Variants in TBC1D14 observed in about 807,000 individuals in gnomAD.
TBC1D14 encodes the protein TBC1 domain family member 14.
TBC1D14 carries 26 observed loss-of-function variants against 79.0 expected under a neutral mutation model. The observed-to-expected ratio is 0.33, with a 90% CI of 0.24 to 0.46. The LOEUF (loss-of-function observed/expected upper bound fraction) is 0.46, where lower values mean the gene tolerates loss of function less well. TBC1D14 is among the 20% of genes least tolerant of loss of function. The pLI is 1.00. For missense variants in TBC1D14, 769 were observed against 887.6 expected, an observed-to-expected ratio of 0.87 and a Z score of 1.70; for synonymous variants, 394 against 349.9, an observed-to-expected ratio of 1.13 and a Z score of -1.40.
chr4:6,944,135 A>G (rs1426639190), intron 2 of TBC1D14, among the ~76,000 whole-genome samples: 2 of 151,934 alleles, frequency 1.3e-5, no homozygotes, highest in Non-Finnish European at 2.9e-5. Context: ...GCGTCGTTCT[A>G]TTTTTGTCCT....
rs912467789 is a variant in TBC1D14, at chr4:7,033,037, G to T, written c.*2645G>T. The T allele has an allele frequency of 1.3e-5, 2 of 152,622 alleles. No homozygotes were observed. Among genetic ancestry groups the T allele is most frequent in the African/African-American group, 4.8e-5 (2 of 41,418 alleles). The allele number at this position is 152,622 out of a possible 1,614,324, so 9.5% of individuals were successfully genotyped here. Reference sequence around the variant, plus strand: ...TACAGTTAACCTTTAATTTTATTTAGTAAAGTGTATCAAAGTAGGACTTTT... The same window carrying T: ...TACAGTTAACCTTTAATTTTATTTATTAAAGTGTATCAAAGTAGGACTTTT... On this transcript the variant is annotated 3_prime_UTR_variant, in exon 14 of 14. Coordinates refer to ENST00000409757, the MANE Select transcript of TBC1D14 (RefSeq NM_020773.3).
chr4:7,005,306 C>T (rs1034223720), intron 8 of TBC1D14, among the ~76,000 whole-genome samples: 31 of 151,808 alleles, frequency 2.0e-4, no homozygotes, highest in African/African-American at 7.3e-4. Context: ...GAGGCTGAGG[C>T]GGGTGGATCA....
intron 3 of TBC1D14, among the ~76,000 whole-genome samples, chr4:6,979,098 T>A (rs1368718213): frequency 6.6e-6 from 1 of 151,846 alleles, no homozygotes; most frequent in Non-Finnish European, 1.5e-5. Context: ...GACCAACCAC[T>A]AAACTATACA....
chr4:7,007,998 G>T (rs979487087), intron 9 of TBC1D14, among the ~76,000 whole-genome samples: 9 of 152,204 alleles, frequency 5.9e-5, no homozygotes, highest in Non-Finnish European at 1.2e-4. Context: ...ATCACAGATT[G>T]CCTTCCCACT....
chr4:6,935,576 C>T (rs1210602118), intron 2 of TBC1D14, among the ~76,000 whole-genome samples: 3 of 152,038 alleles, frequency 2.0e-5, no homozygotes, highest in Admixed American at 2.0e-4. Context: ...CCCTTTCCCT[C>T]TCCCTCTCTC....
chr4:6,989,514 C>T (rs962009323), intron 3 of TBC1D14, among the ~76,000 whole-genome samples: 1 of 152,224 alleles, frequency 6.6e-6, no homozygotes. Flanking sequence ...CCATGTCCCC[C>T]TGGCCTCAGG....
chr4:7,025,142 G>A lies in TBC1D14; in HGVS notation c.1896G>A (p.Lys632=). 1 of 1,614,220 alleles carries A rather than the reference G, an allele frequency of 6.2e-7. No individual in the cohort carries two copies. Among genetic ancestry groups the A allele is most frequent in the Non-Finnish European group, 8.5e-7 (1 of 1,180,040 alleles). The stretch of plus-strand genomic sequence containing the variant: ...AGCTGTTCGAGGACATCCTGACCAA[G>A]ATGGACTTCATTCACATGGCCCAGT... ...ILKLFEDILT[K]MDFIHMAQFL... The change falls in exon 13 of 14, where the codon AAG becomes AAA. Residue 632 remains lysine (K), a synonymous_variant. Coordinates refer to ENST00000409757, the MANE Select transcript of TBC1D14 (RefSeq NM_020773.3).
intron 3 of TBC1D14, chr4:6,987,209 G>C: frequency 8.1e-7 from 1 of 1,232,292 alleles, no homozygotes; most frequent in South Asian, 3.3e-5. Flanking sequence ...GCGGCCTGCC[G>C]CCCCGCCCCG....
intron 12 of TBC1D14, among the ~76,000 whole-genome samples, chr4:7,019,661 C>T (rs1266201963): frequency 6.6e-6 from 1 of 152,234 alleles, no homozygotes; most frequent in African/African-American, 2.4e-5. Flanking sequence ...TCTGTTGGCC[C>T]CTGCCAAGTG....
intron 9 of TBC1D14, 26 bp from the exon 10 acceptor site, chr4:7,009,851 T>G: frequency 3.7e-6 from 6 of 1,613,728 alleles, no homozygotes; most frequent in Non-Finnish European, 5.1e-6. Context: ...ATGCATGTGT[T>G]GTTTTTGCTG....
chr4:7,018,982 A>ATCCT (rs1721547912), intron 12 of TBC1D14, among the ~76,000 whole-genome samples: 1 of 152,082 alleles, frequency 6.6e-6, no homozygotes, highest in Admixed American at 6.6e-5. Flanking sequence ...ATGTTTAATG[A>ATCCT]TCCTTGGAGA....
intron 2 of TBC1D14, among the ~76,000 whole-genome samples, chr4:6,939,564 G>C (rs1037476702): frequency 6.6e-6 from 1 of 152,162 alleles, no homozygotes; most frequent in Non-Finnish European, 1.5e-5. Flanking sequence ...ACCCGGTCCT[G>C]GGGATGTAGT....
At chr4:6,956,564 C>G (rs1714661570) in intron 2 of TBC1D14, among the ~76,000 whole-genome samples, 1 of 152,198 alleles carries the variant, frequency 6.6e-6, no homozygotes. Flanking sequence ...TCACTCTCGC[C>G]TGGCCCTAGG....
At chr4:6,960,515 C>T (rs926075074) in intron 2 of TBC1D14, among the ~76,000 whole-genome samples, 1 of 152,108 alleles carries the variant, frequency 6.6e-6, no homozygotes, top group Non-Finnish European at 1.5e-5. Context: ...ACATGGCATG[C>T]CTTGTATGAT....
intron 1 of TBC1D14, among the ~76,000 whole-genome samples, chr4:6,915,357 G>T (rs941283084): frequency 2.0e-5 from 3 of 152,170 alleles, no homozygotes; most frequent in Admixed American, 2.0e-4. Context: ...GGGGTAGGGG[G>T]TTGGGGGTCA....
In TBC1D14 at chr4:7,010,800, C is replaced by T. The variant is rs1485665449; in HGVS notation, c.1647+19C>T. 8.1e-6 allele frequency: 13 copies of T among 1,610,586 alleles called. No individual in the cohort carries two copies. The highest frequency in any genetic ancestry group is 1.7e-4 in the Middle Eastern group (1 of 6,040). On this transcript the variant is annotated intron_variant, in intron 11 of 13. Transcript: ENST00000409757. ...TGGCCTTGTGAGTATCCTCTGTGTT[C>T]GGGCCCTGGGTACTGTGTCTTTAAA...
At chr4:7,001,988 G>A (rs964402670) in intron 7 of TBC1D14, among the ~76,000 whole-genome samples, 1 of 152,222 alleles carries the variant, frequency 6.6e-6, no homozygotes, top group African/African-American at 2.4e-5. Context: ...ACCTGCTGGG[G>A]AGTTGATGAT....
chr4:6,911,492 A>G (rs1722985675), intron 1 of TBC1D14, among the ~76,000 whole-genome samples: 3 of 152,108 alleles, frequency 2.0e-5, no homozygotes, highest in Admixed American at 2.0e-4. Flanking sequence ...TGTTTGTGCA[A>G]CTGAGTTTTC....
At chr4:6,942,994 C>T (rs1050664238) in intron 2 of TBC1D14, among the ~76,000 whole-genome samples, 6 of 152,194 alleles carry the variant, frequency 3.9e-5, no homozygotes, top group Admixed American at 2.6e-4. Context: ...CTGTAACAAA[C>T]TTGAAATATA....
Sources: gnomAD v4.1 joint callset for allele counts (sites outside exome capture counted in the v4.1 genomes callset) on GRCh38, gnomAD v4.1.1 for gene constraint, MANE v1.5 for transcripts, NCBI Gene and HGNC (gene_info 2026-07-23, HGNC 2026-07-21) for gene names.